Variants in MAP2 observed in about 807,000 individuals in gnomAD.
The protein encoded by MAP2 is microtubule associated protein 2.
Under a neutral mutation model 137.6 loss-of-function variants are expected in MAP2, and 14 were observed. The ratio of observed to expected loss-of-function variants is 0.10; its 90% CI spans 0.07 to 0.16. MAP2 has a LOEUF of 0.16. Ranked by LOEUF, MAP2 falls within the 10% of genes least tolerant of loss-of-function variation. MAP2 has a pLI of 1.00. For synonymous variants in MAP2, 786 were observed against 782.3 expected (o/e 1.00, Z -0.08); for missense variants, 2,088 against 2,191.5 (o/e 0.95, Z 0.94).
intron 2 of MAP2, among the ~76,000 whole-genome samples, chr2:209,517,616 G>C (rs1373263427): frequency 7.2e-5 from 11 of 151,834 alleles, no homozygotes; most frequent in Admixed American, 7.2e-4. Flanking sequence ...TGTAGTTTTT[G>C]ATACGTATCT....
At chr2:209,717,229 A>G (rs2153791047) in intron 13 of MAP2, among the ~76,000 whole-genome samples, 1 of 152,314 alleles carries the variant, frequency 6.6e-6, no homozygotes, top group South Asian at 2.1e-4. Flanking sequence ...GGCCTGAGGA[A>G]ACTTAAAATC....
intron 1 of MAP2, among the ~76,000 whole-genome samples, chr2:209,472,635 T>C (rs1706065574): frequency 6.6e-6 from 1 of 151,990 alleles, no homozygotes; most frequent in Non-Finnish European, 1.5e-5. Context: ...GAAGAGAAGT[T>C]AAGCACTAAT....
intron 1 of MAP2, among the ~76,000 whole-genome samples, chr2:209,491,990 T>G (rs2059168255): frequency 6.6e-6 from 1 of 151,916 alleles, no homozygotes; most frequent in African/African-American, 2.4e-5. Context: ...GAGACACAAC[T>G]AAACAAGAAC....
At chr2:209,681,642 A>G (rs1391073240) in intron 7 of MAP2, among the ~76,000 whole-genome samples, 2 of 152,210 alleles carry the variant, frequency 1.3e-5, no homozygotes, top group Non-Finnish European at 2.9e-5. Context: ...CTAGGGCTCC[A>G]TTGTTGTTTC....
At chr2:209,440,110 A>G (rs1029148400) in intron 1 of MAP2, among the ~76,000 whole-genome samples, 2 of 151,510 alleles carry the variant, frequency 1.3e-5, no homozygotes, top group African/African-American at 2.4e-5. Context: ...ACAAGACACC[A>G]TAGTCACTAC....
chr2:209,587,341 A>G (rs781208184), intron 3 of MAP2, among the ~76,000 whole-genome samples: 1 of 152,132 alleles, frequency 6.6e-6, no homozygotes, highest in Admixed American at 6.6e-5. Flanking sequence ...CCACAGGGGA[A>G]CAGAAGATAG....
intron 1 of MAP2, among the ~76,000 whole-genome samples, chr2:209,437,368 A>G (rs577022555): frequency 1.3e-4 from 20 of 151,796 alleles, no homozygotes; most frequent in African/African-American, 4.6e-4. Flanking sequence ...TAGATATGTA[A>G]GCACTATTCT....
intron 1 of MAP2, among the ~76,000 whole-genome samples, chr2:209,498,059 T>G (rs2059961155): frequency 6.6e-6 from 1 of 152,148 alleles, no homozygotes; most frequent in African/African-American, 2.4e-5. Context: ...GGCAAATCCC[T>G]TCAATCTACA....
intron 7 of MAP2, among the ~76,000 whole-genome samples, chr2:209,691,376 A>G (rs2058851077): frequency 6.6e-6 from 1 of 151,668 alleles, no homozygotes. Flanking sequence ...TTCTCATATC[A>G]TTTTCTCCCC....
chr2:209,675,012 AT>A (rs2050667882), intron 5 of MAP2, among the ~76,000 whole-genome samples: 1 of 151,824 alleles, frequency 6.6e-6, no homozygotes, highest in African/African-American at 2.4e-5. Flanking sequence ...ACCAGTTGAA[AT>A]TCCCAGAACA....
At chr2:209,504,031 G>A (rs986935746) in intron 1 of MAP2, among the ~76,000 whole-genome samples, 2 of 151,936 alleles carry the variant, frequency 1.3e-5, no homozygotes, top group Non-Finnish European at 2.9e-5. Context: ...AGGAGGTGGA[G>A]GTTGCAGTGA....
chr2:209,655,111 T>C (rs1443593735), intron 5 of MAP2, among the ~76,000 whole-genome samples: 1 of 152,212 alleles, frequency 6.6e-6, no homozygotes, highest in East Asian at 1.9e-4. Flanking sequence ...GTCAGTGTAT[T>C]ATCACCAGCT....
At chr2:209,606,805 A>T (rs2084922219) in intron 3 of MAP2, among the ~76,000 whole-genome samples, 1 of 152,312 alleles carries the variant, frequency 6.6e-6, no homozygotes, top group Non-Finnish European at 1.5e-5. Context: ...TTAAATTTTC[A>T]TTTAAAGGAA....
chr2:209,686,617 G>A (rs2057113800), intron 7 of MAP2, among the ~76,000 whole-genome samples: 1 of 152,130 alleles, frequency 6.6e-6, no homozygotes, highest in Non-Finnish European at 1.5e-5. Flanking sequence ...TGTAACGTCT[G>A]CACCACATCA....
rs77204500 is a variant in MAP2 at position 209,566,230 on chromosome 2, T to C, written c.-171-13806T>C. 7.2e-3 allele frequency among the ~76,000 whole-genome samples: 1,101 copies of C among 152,324 alleles called. 5 individuals are homozygous for C. The highest frequency in any genetic ancestry group is 0.011 in the Non-Finnish European group (761 of 68,018). ...GGAGGACCAACCATCCTAATTAATA[T>C]ATCCTCTGTCACGGACTTGCTGTAT... On this transcript the variant is annotated intron_variant, in intron 2 of 15. Coordinates refer to ENST00000682079, the MANE Select transcript of MAP2 (RefSeq NM_001375505.1).
At position 209,694,986 on chromosome 2, in the gene MAP2, T is replaced by A; in HGVS notation, c.2816T>A (p.Ile939Asn). The A allele has an allele frequency of 6.2e-7, 1 of 1,614,112 alleles. No individual in the cohort carries two copies. Among genetic ancestry groups the A allele is most frequent in the African/African-American group, 1.3e-5 (1 of 75,034 alleles). ...GTTGACAAAGAAGCATCCGCGCATA[T>A]CTCTGGTGACAAATCAGGACTGAGT... is the stretch of plus-strand genomic sequence containing the variant. ...FSVDKEASAH[I>N]SGDKSGLSKE... The change falls in exon 8 of 16, where the codon ATC becomes AAC. Residue 939 changes from isoleucine (I) to asparagine (N), a missense_variant. Physicochemically the swap from Ile to Asn is moderately radical, Grantham distance 149. Coordinates refer to ENST00000682079, the MANE Select transcript of MAP2 (RefSeq NM_001375505.1).
chr2:209,721,790 A>G (rs1052818006), intron 13 of MAP2: 2 of 152,218 alleles, frequency 1.3e-5, no homozygotes, highest in Admixed American at 1.3e-4. Flanking sequence ...AATTTTTTAA[A>G]CATAGTATGA....
intron 2 of MAP2, among the ~76,000 whole-genome samples, chr2:209,524,509 G>A (rs1190090485): frequency 6.6e-6 from 1 of 151,768 alleles, no homozygotes; most frequent in African/African-American, 2.4e-5. Flanking sequence ...TAAACATTAA[G>A]ATAATAGCAA....
chr2:209,543,403 A>G (rs1253268447), intron 2 of MAP2, among the ~76,000 whole-genome samples: 1 of 152,250 alleles, frequency 6.6e-6, no homozygotes, highest in Non-Finnish European at 1.5e-5. Context: ...ACACAGAAAC[A>G]GTAAGTGAGC....
Sources: gnomAD v4.1 joint callset for allele counts (sites outside exome capture counted in the v4.1 genomes callset) on GRCh38, gnomAD v4.1.1 for gene constraint, MANE v1.5 for transcripts, NCBI Gene and HGNC (gene_info 2026-07-23, HGNC 2026-07-21) for gene names.